The following PLXNA2 variants were observed in gnomAD, a reference collection of about 807,000 sequenced individuals.
PLXNA2 encodes plexin A2.
Under a neutral mutation model 193.5 loss-of-function variants are expected in PLXNA2, and 91 were observed. That is an observed-to-expected ratio of 0.47 (90% CI 0.40 to 0.56). PLXNA2 has a LOEUF of 0.56. Among genes scored for constraint, PLXNA2 ranks in the 20% least tolerant of loss-of-function variants. PLXNA2 has a pLI of 0.00. For synonymous variants in PLXNA2, 997 were observed against 1,027.3 expected (o/e 0.97, Z 0.56); for missense variants, 1,995 against 2,503.2 (o/e 0.80, Z 4.33).
intron 3 of PLXNA2, among the ~76,000 whole-genome samples, chr1:208,202,154 A>G (rs1305831910): frequency 6.6e-6 from 1 of 151,662 alleles, no homozygotes; most frequent in African/African-American, 2.4e-5. Context: ...TAATTTTTGT[A>G]TTTTTAGTAG....
chr1:208,039,849 C>T (rs1664806981), intron 23 of PLXNA2, 82 bp from the exon 24 acceptor site: 1 of 1,601,484 alleles, frequency 6.2e-7, no homozygotes, highest in Non-Finnish European at 8.6e-7. Flanking sequence ...CGGAGCGAGG[C>T]CAGTGGAAGG....
At chr1:208,060,541 C>T in intron 13 of PLXNA2, 145 bp downstream of exon 13, 1 of 726,830 alleles carries the variant, frequency 1.4e-6, no homozygotes, top group Non-Finnish European at 2.2e-6. Context: ...AGGAGGGGGC[C>T]CTGGGGAGGC....
chr1:208,209,982 A>AG, intron 3 of PLXNA2: 1 of 51,622 alleles, frequency 1.9e-5, no homozygotes, highest in Non-Finnish European at 3.7e-5. Context: ...AATGAAGAGC[A>AG]ATTTTTTTTT....
intron 3 of PLXNA2, among the ~76,000 whole-genome samples, chr1:208,191,336 C>T (rs1384763765): frequency 6.6e-6 from 1 of 152,188 alleles, no homozygotes; most frequent in Admixed American, 6.5e-5. Context: ...CTTTTCTCAT[C>T]TCCTTTTCTT....
At chr1:208,242,388 C>T (rs959360164) in intron 1 of PLXNA2, among the ~76,000 whole-genome samples, 25 of 152,146 alleles carry the variant, frequency 1.6e-4, no homozygotes, top group African/African-American at 5.3e-4. Context: ...GTCCACTGTG[C>T]GCGTGAATGG....
At chr1:208,109,964 A>G (rs1224584070) in intron 4 of PLXNA2, among the ~76,000 whole-genome samples, 2 of 152,248 alleles carry the variant, frequency 1.3e-5, no homozygotes, top group Non-Finnish European at 2.9e-5. Flanking sequence ...GGCTTGCACC[A>G]AATCTTGTAA....
chr1:208,052,189 G>A (rs1571864589), intron 15 of PLXNA2, 138 bp downstream of exon 15: 14 of 755,644 alleles, frequency 1.9e-5, no homozygotes, highest in South Asian at 1.1e-4. Context: ...CACAGTGACC[G>A]GTATGGTATT....
intron 28 of PLXNA2, 133 bp from the exon 29 acceptor site, chr1:208,031,892 C>A: frequency 1.6e-6 from 2 of 1,262,278 alleles, no homozygotes; most frequent in South Asian, 1.6e-5. Context: ...GGCAGTGTTG[C>A]GGGGTGGGGA....
chr1:208,056,425 A>G, intron 13 of PLXNA2, among the ~76,000 whole-genome samples: 1 of 152,224 alleles, frequency 6.6e-6, no homozygotes, highest in Non-Finnish European at 1.5e-5. Context: ...GGAAAAAAGA[A>G]AAAAGAGAAC....
chr1:208,203,254 CAA>C (rs1670608919), intron 3 of PLXNA2, among the ~76,000 whole-genome samples: 1 of 152,172 alleles, frequency 6.6e-6, no homozygotes, highest in Non-Finnish European at 1.5e-5. Flanking sequence ...GGCAGGGAGC[CAA>C]ACTCATTACT....
At chr1:208,040,085 C>T (rs1664817920) in intron 22 of PLXNA2, 27 bp from the exon 23 acceptor site, 2 of 1,587,924 alleles carry the variant, frequency 1.3e-6, no homozygotes, top group African/African-American at 1.3e-5. Context: ...GGGTAAGGGG[C>T]AGTCCTTCAC....
chr1:208,226,874 A>G lies in PLXNA2; in HGVS notation c.-80-8872T>C, dbSNP rs188940225. 4.1e-3 allele frequency among the ~76,000 whole-genome samples: 622 copies of G among 152,130 alleles called. 8 individuals carry two copies. The highest frequency in any genetic ancestry group is 0.014 in the African/African-American group (586 of 41,480). On this transcript the variant is annotated intron_variant, in intron 1 of 31. Coordinates refer to ENST00000367033, the MANE Select transcript of PLXNA2 (RefSeq NM_025179.4). The stretch of plus-strand genomic sequence containing the variant: ...GAAGGAGCCCTGCTTTGCCATGGCC[A>G]CCTCCCCGCTGGGTCAGAAAGAATT...
intron 1 of PLXNA2, among the ~76,000 whole-genome samples, chr1:208,238,868 G>T (rs1444822957): frequency 6.6e-6 from 1 of 152,208 alleles, no homozygotes; most frequent in African/African-American, 2.4e-5. Flanking sequence ...GATAAGAACG[G>T]CAAGGGCCTT....
At chr1:208,200,958 A>G (rs1163047289) in intron 3 of PLXNA2, among the ~76,000 whole-genome samples, 1 of 152,206 alleles carries the variant, frequency 6.6e-6, no homozygotes, top group East Asian at 1.9e-4. Flanking sequence ...AACTAATAGA[A>G]TCAAAGAGAA....
At chr1:208,100,204 A>T (rs1667050636) in intron 5 of PLXNA2, among the ~76,000 whole-genome samples, 14 of 151,986 alleles carry the variant, frequency 9.2e-5, no homozygotes, top group Admixed American at 9.2e-4. Flanking sequence ...GTGGGACCCC[A>T]TTCTAAAAAA....
intron 2 of PLXNA2, 57 bp from the exon 3 acceptor site, chr1:208,210,519 T>G: frequency 2.3e-5 from 34 of 1,461,098 alleles, no homozygotes; most frequent in Non-Finnish European, 3.1e-5. Context: ...GTGAAGTCTC[T>G]ACACGACCCA....
At chr1:208,112,697 T>C (rs1286344479) in intron 4 of PLXNA2, among the ~76,000 whole-genome samples, 1 of 152,192 alleles carries the variant, frequency 6.6e-6, no homozygotes, top group East Asian at 1.9e-4. Context: ...GGGAGAATTA[T>C]GTCTGCCCTT....
intron 12 of PLXNA2, among the ~76,000 whole-genome samples, chr1:208,073,007 T>C (rs1666023369): frequency 6.6e-6 from 1 of 152,234 alleles, no homozygotes; most frequent in Non-Finnish European, 1.5e-5. Context: ...GTCGGCCTTC[T>C]GCTCTGCCAC....
chr1:208,154,677 A>T (rs957109614), intron 3 of PLXNA2, among the ~76,000 whole-genome samples: 1 of 152,072 alleles, frequency 6.6e-6, no homozygotes, highest in African/African-American at 2.4e-5. Context: ...CTCTTCATAG[A>T]TTTTTTTTGA....
Sources: allele counts gnomAD v4.1 joint callset (sites outside exome capture counted in the v4.1 genomes callset), GRCh38; gene constraint gnomAD v4.1.1; transcripts MANE v1.5; gene names NCBI Gene and HGNC (gene_info 2026-07-23, HGNC 2026-07-21).